The following ILKAP variants were observed in gnomAD, a reference collection of about 807,000 sequenced individuals.
ILKAP encodes ILK associated serine/threonine phosphatase, also known as integrin-linked kinase-associated serine/threonine phosphatase 2C.
A neutral mutation model predicts 49.1 loss-of-function variants in ILKAP; 11 were observed. The observed-to-expected ratio is 0.22, with a 90% CI of 0.14 to 0.37. The LOEUF is 0.37. Among genes scored for constraint, ILKAP ranks in the 10% least tolerant of loss-of-function variants. The pLI is 1.00. For synonymous variants in ILKAP, 186 were observed against 192.8 expected, an observed-to-expected ratio of 0.96 and a Z score of 0.29; for missense variants, 363 against 510.8, an observed-to-expected ratio of 0.71 and a Z score of 2.79.
intron 1 of ILKAP, among the ~76,000 whole-genome samples, chr2:238,201,184 T>G (rs115614850): frequency 0.28 from 42,102 of 151,846 alleles, 6,245 homozygotes; most frequent in South Asian, 0.37. Flanking sequence ...AAAGTATGTT[T>G]TTTTTTTTTA....
At position 238,170,517 on chromosome 2, in the gene ILKAP, C is replaced by G. The variant is rs376285653; in HGVS notation, c.*19G>C. ...CTTTTAAGTCAATACCATGCGTGCT[C>G]CTGGCCGCGCGCCACCCCTCAGTGC... On this transcript the variant is annotated 3_prime_UTR_variant, in exon 12 of 12. Coordinates refer to ENST00000254654, the MANE Select transcript of ILKAP (RefSeq NM_030768.3). 1 of 1,579,446 alleles carries G rather than the reference C, an allele frequency of 6.3e-7. No individual in the cohort carries two copies. Among genetic ancestry groups the G allele is most frequent in the South Asian group, 1.1e-5 (1 of 88,510 alleles).
At chr2:238,190,592 A>G (rs552966811) in intron 3 of ILKAP, among the ~76,000 whole-genome samples, 2 of 152,228 alleles carry the variant, frequency 1.3e-5, no homozygotes, top group Non-Finnish European at 2.9e-5. Context: ...ACCCGTGCGT[A>G]ACATGGTAAG....
chr2:238,178,155 G>C (rs1693543542), intron 9 of ILKAP, among the ~76,000 whole-genome samples: 1 of 152,188 alleles, frequency 6.6e-6, no homozygotes, highest in South Asian at 2.1e-4. Context: ...AAGGACAAGA[G>C]AACAGCAAGG....
chr2:238,181,922 A>G, intron 9 of ILKAP, 143 bp downstream of exon 9: 1 of 828,036 alleles, frequency 1.2e-6, no homozygotes, highest in East Asian at 2.6e-5. Context: ...TCATCCACCT[A>G]TGTCACCAGT....
At chr2:238,187,068 T>G (rs1053877443) in intron 5 of ILKAP, 2 of 152,210 alleles carry the variant, frequency 1.3e-5, no homozygotes, top group Non-Finnish European at 2.9e-5. Flanking sequence ...CCTGAGCAAC[T>G]TAAGGAGACA....
chr2:238,188,403 C>A (rs1693991164), intron 4 of ILKAP, 146 bp from the exon 5 acceptor site: 4 of 899,702 alleles, frequency 4.4e-6, no homozygotes, highest in Non-Finnish European at 6.5e-6. Flanking sequence ...CCCCTTAAGG[C>A]ATCTCCCCCA....
chr2:238,194,770 G>A lies in ILKAP; in HGVS notation c.121+35C>T, dbSNP rs756504700. 16 of 1,601,524 alleles carry A rather than the reference G, an allele frequency of 1.0e-5. No individual in the cohort carries two copies. In the East Asian group the frequency reaches 1.8e-4, roughly 18 times the overall value. On this transcript the variant is annotated intron_variant, in intron 2 of 11. Coordinates refer to ENST00000254654, the MANE Select transcript of ILKAP (RefSeq NM_030768.3). ...CTACAATCCCAGGATGAGTAGAGAC[G>A]TTGACACACACCTGGGAGAGCCTGA...
At chr2:238,175,657 C>T (rs967395951) in intron 9 of ILKAP, among the ~76,000 whole-genome samples, 4 of 152,212 alleles carry the variant, frequency 2.6e-5, no homozygotes, top group African/African-American at 9.7e-5. Context: ...CATGCCACCT[C>T]TGTTCTGGAA....
Position 238,170,687 on chromosome 2 carries a change from A to G in ILKAP, c.1039-11T>C, listed in dbSNP as rs754984771. The stretch of plus-strand genomic sequence containing the variant: ...CTGGATCTTTTCATCCTACCAGATG[A>G]GAAAGGGAATGAGTGAATGGAGTGA... On this transcript the variant is annotated splice_polypyrimidine_tract_variant and intron_variant, in intron 11 of 11. Transcript: ENST00000254654. 2 of 1,593,254 alleles carry G rather than the reference A, an allele frequency of 1.3e-6. No individual in the cohort carries two copies. The highest frequency in any genetic ancestry group is 2.2e-5 in the South Asian group (2 of 89,762).
At chr2:238,189,769 T>G in intron 4 of ILKAP, 84 bp downstream of exon 4, 1 of 1,284,828 alleles carries the variant, frequency 7.8e-7, no homozygotes, top group Non-Finnish European at 1.1e-6. Flanking sequence ...AAAGAAAGTA[T>G]TATTAGAAAG....
intron 10 of ILKAP, among the ~76,000 whole-genome samples, chr2:238,172,208 C>T (rs756542718): frequency 3.3e-5 from 5 of 152,190 alleles, no homozygotes; most frequent in African/African-American, 7.2e-5. Flanking sequence ...CCCACCACCA[C>T]GCCTGGCTAA....
rs920358618 is a variant in ILKAP, at chr2:238,184,097, T to C, written c.549A>G (p.Val183=). The C allele has an allele frequency of 3.0e-5, 47 of 1,587,148 alleles. No individual in the cohort carries two copies. The East Asian group carries it at 1.0e-3, about 35-fold the overall frequency. Reference sequence around the variant, plus strand: ...AAAGGCATCTCTTCACGGTTTTCTCTACACTGATTACATCTCCTATTACAG... The same window carrying C: ...AAAGGCATCTCTTCACGGTTTTCTCCACACTGATTACATCTCCTATTACAG... ...RKFPKGDVIS[V]EKTVKRCLLD... is the part of the protein sequence containing the mutation. Residue 183 remains valine, a synonymous_variant, in exon 7 of 12, where the codon GTA becomes GTG. Coordinates refer to ENST00000254654, the MANE Select transcript of ILKAP (RefSeq NM_030768.3).
chr2:238,196,257 A>G (rs1694344250), intron 1 of ILKAP, among the ~76,000 whole-genome samples: 1 of 151,758 alleles, frequency 6.6e-6, no homozygotes, highest in Admixed American at 6.6e-5. Context: ...TGCCCAAATA[A>G]TTTTTGTATT....
intron 3 of ILKAP, among the ~76,000 whole-genome samples, chr2:238,191,961 C>T (rs1266079765): frequency 6.6e-6 from 1 of 150,898 alleles, no homozygotes; most frequent in Non-Finnish European, 1.5e-5. Flanking sequence ...GCCTGTAATC[C>T]CAGCACTTTG....
intron 2 of ILKAP, 155 bp downstream of exon 2, chr2:238,194,650 C>G: frequency 2.7e-6 from 2 of 746,138 alleles, no homozygotes; most frequent in African/African-American, 3.5e-5. Context: ...ATTTTTCTGC[C>G]TTACCTGATG....
intron 7 of ILKAP, 33 bp downstream of exon 7, chr2:238,183,987 T>A: frequency 8.3e-7 from 1 of 1,211,964 alleles, no homozygotes; most frequent in Non-Finnish European, 1.2e-6. Context: ...CCACACACAG[T>A]CCACTCAAAC....
intron 9 of ILKAP, among the ~76,000 whole-genome samples, chr2:238,176,128 G>T (rs1263961194): frequency 2.7e-5 from 3 of 112,424 alleles, no homozygotes; most frequent in East Asian, 3.0e-4. Flanking sequence ...TGCTTAGCAA[G>T]TAGTGGCTTT....
intron 9 of ILKAP, among the ~76,000 whole-genome samples, chr2:238,180,221 C>T (rs543045853): frequency 2.7e-5 from 4 of 150,468 alleles, no homozygotes; most frequent in Non-Finnish European, 4.4e-5. Flanking sequence ...GCCAAGTCCA[C>T]GGCAGACATG....
intron 3 of ILKAP, among the ~76,000 whole-genome samples, chr2:238,193,630 C>A (rs1694232907): frequency 6.6e-6 from 1 of 152,200 alleles, no homozygotes; most frequent in African/African-American, 2.4e-5. Context: ...GTCTACAGCC[C>A]TGAAGATTGA....
Sources: allele counts gnomAD v4.1 joint callset (sites outside exome capture counted in the v4.1 genomes callset), GRCh38; gene constraint gnomAD v4.1.1; transcripts MANE v1.5; gene names NCBI Gene and HGNC (gene_info 2026-07-23, HGNC 2026-07-21).